The following TMEM132B variants were observed in gnomAD, a reference collection of about 807,000 sequenced individuals.
The protein encoded by TMEM132B is transmembrane protein 132B.
TMEM132B carries 18 observed loss-of-function variants against 90.8 expected under a neutral mutation model. That is an observed-to-expected ratio of 0.20 (90% CI 0.14 to 0.29). The LOEUF (loss-of-function observed/expected upper bound fraction) is 0.29. Among genes scored for constraint, TMEM132B ranks in the 10% least tolerant of loss-of-function variants. TMEM132B has a pLI of 1.00. For missense variants in TMEM132B, 1,096 were observed against 1,326.8 expected (o/e 0.83, Z 2.70); for synonymous variants, 504 against 523.3 (o/e 0.96, Z 0.50).
At chr12:125,196,048 T>C (rs938173633) in intron 1 of TMEM132B, among the ~76,000 whole-genome samples, 1 of 152,146 alleles carries the variant, frequency 6.6e-6, no homozygotes, top group African/African-American at 2.4e-5. Flanking sequence ...GGATCTGCTT[T>C]GACTCACAGG....
intron 4 of TMEM132B, among the ~76,000 whole-genome samples, chr12:125,561,397 G>A (rs552613004): frequency 6.6e-6 from 1 of 152,232 alleles, no homozygotes; most frequent in South Asian, 2.1e-4. Context: ...GGGAGGGATA[G>A]CATTAGGATA....
intron 1 of TMEM132B, among the ~76,000 whole-genome samples, chr12:125,256,949 A>G (rs1399003964): frequency 6.6e-6 from 1 of 152,180 alleles, no homozygotes; most frequent in Non-Finnish European, 1.5e-5. Context: ...AAGCCTTTTC[A>G]GAGAGGAGTT....
chr12:125,630,019 T>C (rs1886323649), intron 5 of TMEM132B, among the ~76,000 whole-genome samples: 1 of 152,154 alleles, frequency 6.6e-6, no homozygotes, highest in Non-Finnish European at 1.5e-5. Context: ...ATCTTTCTAA[T>C]GTATTGTTGA....
In TMEM132B at chr12:125,408,659, T is replaced by A. The variant is rs898296252; in HGVS notation, c.960-6872T>A. 7.2e-5 allele frequency among the ~76,000 whole-genome samples: 11 copies of A among 152,216 alleles called. No individual in the cohort carries two copies. The highest frequency in any genetic ancestry group is 2.4e-4 in the African/African-American group (10 of 41,454). ...TTGGGTTGTTTCCATTTTGGGCTGATGGCAGGGCTGTCGTGCACCTTCTTG... is the reference window on the plus strand; with the variant it reads ...TTGGGTTGTTTCCATTTTGGGCTGAAGGCAGGGCTGTCGTGCACCTTCTTG... On this transcript the variant is annotated intron_variant, in intron 2 of 8. Transcript: ENST00000682704. The surrounding 1 kb of genome is among the most constrained non-coding windows in gnomAD (Gnocchi z 5.9).
intron 4 of TMEM132B, among the ~76,000 whole-genome samples, chr12:125,528,813 C>T (rs1162917889): frequency 6.6e-6 from 1 of 152,172 alleles, no homozygotes; most frequent in Non-Finnish European, 1.5e-5. Context: ...TGCTATATAT[C>T]AGCAGTCTCC....
chr12:125,557,825 T>C (rs1163152300), intron 4 of TMEM132B, among the ~76,000 whole-genome samples: 39 of 152,118 alleles, frequency 2.6e-4, no homozygotes, highest in Admixed American at 2.6e-3. Context: ...AGGTTGTTGG[T>C]CAAAGGAGAC....
intron 1 of TMEM132B, among the ~76,000 whole-genome samples, chr12:125,287,244 C>T (rs1021055572): frequency 6.6e-6 from 1 of 152,106 alleles, no homozygotes; most frequent in African/African-American, 2.4e-5. Flanking sequence ...TATAAGAACC[C>T]TTGTGATGAC....
chr12:125,515,534 C>T (rs1269460215), intron 3 of TMEM132B, among the ~76,000 whole-genome samples: 1 of 151,834 alleles, frequency 6.6e-6, no homozygotes, highest in African/African-American at 2.4e-5. Flanking sequence ...CACACATTCT[C>T]ACGCTCACAC....
intron 3 of TMEM132B, among the ~76,000 whole-genome samples, chr12:125,427,858 C>CCTTATG (rs1328681094): frequency 6.6e-6 from 1 of 152,176 alleles, no homozygotes; most frequent in East Asian, 1.9e-4. Context: ...AAAAATTGAA[C>CCTTATG]CAGAGGGAAT....
chr12:125,533,713 C>G (rs1883714348), intron 4 of TMEM132B, among the ~76,000 whole-genome samples: 1 of 152,198 alleles, frequency 6.6e-6, no homozygotes, highest in South Asian at 2.1e-4. Context: ...CCCGGCCTGA[C>G]TGGCTGCGTC....
At chr12:125,253,938 G>A (rs540502000) in intron 1 of TMEM132B, among the ~76,000 whole-genome samples, 1 of 152,314 alleles carries the variant, frequency 6.6e-6, no homozygotes, top group South Asian at 2.1e-4. Context: ...TTGTTTCTGT[G>A]GAGCTTGGCT....
At chr12:125,252,060 A>G (rs528314735) in intron 1 of TMEM132B, among the ~76,000 whole-genome samples, 40 of 152,332 alleles carry the variant, frequency 2.6e-4, no homozygotes, top group African/African-American at 9.4e-4. Context: ...GTCTTCCTCT[A>G]GTATACACTG....
chr12:125,508,740 A>G (rs886333118), intron 3 of TMEM132B, among the ~76,000 whole-genome samples: 1 of 149,418 alleles, frequency 6.7e-6, no homozygotes, highest in Non-Finnish European at 1.5e-5. Flanking sequence ...AGACTGTTTG[A>G]AAAGTAATTA....
chr12:125,340,207 G>A (rs977864338), intron 1 of TMEM132B, among the ~76,000 whole-genome samples: 5 of 152,184 alleles, frequency 3.3e-5, no homozygotes, highest in African/African-American at 9.7e-5. Flanking sequence ...GTAGGTGTAA[G>A]TGGGTGTTAG....
chr12:125,440,733 T>G (rs1055907934), intron 3 of TMEM132B, among the ~76,000 whole-genome samples: 1 of 152,362 alleles, frequency 6.6e-6, no homozygotes, highest in Admixed American at 6.5e-5. Context: ...CCTGTTTCAT[T>G]TGTTTTGCTA....
At chr12:125,423,757 A>C (rs1880235551) in intron 3 of TMEM132B, among the ~76,000 whole-genome samples, 1 of 152,190 alleles carries the variant, frequency 6.6e-6, no homozygotes, top group African/African-American at 2.4e-5. Context: ...TTTTGAGTAT[A>C]TTGGCATTCT....
intron 4 of TMEM132B, among the ~76,000 whole-genome samples, chr12:125,571,716 CATT>C (rs1251010797): frequency 3.3e-5 from 5 of 152,156 alleles, no homozygotes; most frequent in Non-Finnish European, 1.5e-5. Context: ...CACAAAGACA[CATT>C]GTTGTTATTT....
intron 2 of TMEM132B, among the ~76,000 whole-genome samples, chr12:125,380,190 A>C (rs1268654019): frequency 1.3e-5 from 2 of 152,120 alleles, no homozygotes; most frequent in Non-Finnish European, 2.9e-5. Flanking sequence ...CTGAGGGAGA[A>C]TATGTCCCCG....
chr12:125,380,562 G>A (rs1248721719), intron 2 of TMEM132B, among the ~76,000 whole-genome samples: 1 of 152,158 alleles, frequency 6.6e-6, no homozygotes, highest in African/African-American at 2.4e-5. Context: ...TCATTGGAGT[G>A]GGGCACGTGA....
Sources: allele counts gnomAD v4.1 joint callset (sites outside exome capture counted in the v4.1 genomes callset), GRCh38; gene constraint gnomAD v4.1.1; non-coding constraint Gnocchi (gnomAD v3.1); transcripts MANE v1.5; gene names NCBI Gene and HGNC (gene_info 2026-07-23, HGNC 2026-07-21).